PLCH1: variants seen among roughly 807,000 people sequenced by gnomAD.
PLCH1 encodes the protein 1-phosphatidylinositol 4,5-bisphosphate phosphodiesterase eta-1.
A neutral mutation model predicts 126.7 loss-of-function variants in PLCH1; 60 were observed. That is an observed-to-expected ratio of 0.47 (90% CI 0.38 to 0.59). The LOEUF is 0.59. Among genes scored for constraint, PLCH1 ranks in the 20% least tolerant of loss-of-function variants. The pLI is 0.00. For missense variants in PLCH1, 1,723 were observed against 2,040.0 expected (o/e 0.84, Z 2.99); for synonymous variants, 719 against 734.9 (o/e 0.98, Z 0.35).
At chr3:155,457,799 T>C (rs894011542) in intron 21 of PLCH1, 3 of 152,214 alleles carry the variant, frequency 2.0e-5, no homozygotes, top group Non-Finnish European at 4.4e-5. Flanking sequence ...GGATGCATTT[T>C]ATGTGCCAAG....
At chr3:155,678,135 G>A (rs931088638) in intron 2 of PLCH1, among the ~76,000 whole-genome samples, 1 of 152,182 alleles carries the variant, frequency 6.6e-6, no homozygotes, top group African/African-American at 2.4e-5. Flanking sequence ...CAAGAAAGAG[G>A]AAGGGGACAA....
At chr3:155,516,435 A>C (rs1016869320) in intron 11 of PLCH1, among the ~76,000 whole-genome samples, 5 of 151,684 alleles carry the variant, frequency 3.3e-5, no homozygotes, top group Non-Finnish European at 7.4e-5. Context: ...TGAATTAAGA[A>C]TGTTCTGTAA....
intron 10 of PLCH1, among the ~76,000 whole-genome samples, chr3:155,542,151 C>T (rs1327646578): frequency 6.6e-6 from 1 of 152,168 alleles, no homozygotes; most frequent in Non-Finnish European, 1.5e-5. Flanking sequence ...GGGTGACAGA[C>T]GGCACCTGGA....
intron 1 of PLCH1, among the ~76,000 whole-genome samples, chr3:155,723,160 T>C (rs912918424): frequency 6.6e-6 from 1 of 152,194 alleles, no homozygotes; most frequent in African/African-American, 2.4e-5. Context: ...GTGGTATCAG[T>C]TGTAATATCT....
chr3:155,636,190 G>T (rs185672950), intron 2 of PLCH1, among the ~76,000 whole-genome samples: 83 of 152,212 alleles, frequency 5.5e-4, no homozygotes, highest in African/African-American at 1.9e-3. Context: ...CAGGAAACTG[G>T]AATAACCAAT....
intron 2 of PLCH1, among the ~76,000 whole-genome samples, chr3:155,700,679 G>A (rs1199653695): frequency 6.6e-6 from 1 of 152,192 alleles, no homozygotes; most frequent in African/African-American, 2.4e-5. Flanking sequence ...AAAGGCTTAT[G>A]TGCATAAGAA....
intron 2 of PLCH1, among the ~76,000 whole-genome samples, chr3:155,626,485 A>T (rs1246909543): frequency 6.6e-6 from 1 of 152,138 alleles, no homozygotes; most frequent in East Asian, 1.9e-4. Flanking sequence ...AAAGATGGTA[A>T]GTGGCTGGGC....
At chr3:155,671,376 A>G (rs1743430670) in intron 2 of PLCH1, among the ~76,000 whole-genome samples, 1 of 152,206 alleles carries the variant, frequency 6.6e-6, no homozygotes, top group Non-Finnish European at 1.5e-5. Context: ...CTCTGATGCT[A>G]TGTTCTGAAG....
intron 1 of PLCH1, among the ~76,000 whole-genome samples, chr3:155,719,047 G>A (rs900372289): frequency 6.6e-6 from 1 of 152,156 alleles, no homozygotes; most frequent in East Asian, 1.9e-4. Flanking sequence ...TGGAAAACAA[G>A]TGTTGTTTGG....
At chr3:155,497,500 A>C in intron 14 of PLCH1, 83 bp from the exon 15 acceptor site, 1 of 972,042 alleles carries the variant, frequency 1.0e-6, no homozygotes, top group Non-Finnish European at 1.6e-6. Flanking sequence ...TCCTTATTTA[A>C]GACAATGATT....
In PLCH1 at chr3:155,677,093, A is replaced by G. The variant is rs189799752; in HGVS notation, c.79+27053T>C. ...TGTAACTAAGCCTCTCATCCTGAGT[A>G]TTAACTCTCTCATTCCAGCATTCCC... On this transcript the variant is annotated intron_variant, in intron 2 of 22. Coordinates refer to ENST00000460012, the MANE Select transcript of PLCH1 (RefSeq NM_014996.4). Among the ~76,000 whole-genome samples, 224 of 152,344 alleles carry G rather than the reference A, an allele frequency of 1.5e-3. 1 individual carries two copies. Among genetic ancestry groups the G allele is most frequent in the African/African-American group, 5.2e-3 (216 of 41,578 alleles).
At chr3:155,461,270 A>G (rs1039572193) in intron 21 of PLCH1, among the ~76,000 whole-genome samples, 1 of 152,178 alleles carries the variant, frequency 6.6e-6, no homozygotes, top group African/African-American at 2.4e-5. Flanking sequence ...GACCATAAGT[A>G]CCTAATGATT....
intron 1 of PLCH1, among the ~76,000 whole-genome samples, chr3:155,705,758 A>C (rs1263093775): frequency 1.3e-5 from 2 of 152,324 alleles, no homozygotes; most frequent in Middle Eastern, 3.4e-3. Flanking sequence ...ACAAGGTGTT[A>C]GAGATTAACT....
At chr3:155,678,579 A>G (rs1270177787) in intron 2 of PLCH1, among the ~76,000 whole-genome samples, 1 of 152,204 alleles carries the variant, frequency 6.6e-6, no homozygotes, top group Non-Finnish European at 1.5e-5. Context: ...TGGCAGAGAC[A>G]CTGAATGAAT....
rs372356139 is a variant in PLCH1, at chr3:155,481,542, A to T, written c.4484T>A (p.Ile1495Asn). Reference sequence around the variant, plus strand: ...GTACTTGCTCTCAAAATTGCAGGCAATGTCCTCTGATGTTAAGTCCCCCAG... The same window carrying T: ...GTACTTGCTCTCAAAATTGCAGGCATTGTCCTCTGATGTTAAGTCCCCCAG... Reference protein sequence around the residue: ...KSLGDLTSEDIACNFESKYQC... With the variant: ...KSLGDLTSEDNACNFESKYQC... Residue 1495 changes from isoleucine to asparagine, a missense_variant, in exon 23 of 23, where the codon ATT (isoleucine) becomes AAT (asparagine). Physicochemically the swap from Ile to Asn is moderately radical, Grantham distance 149. Coordinates refer to ENST00000460012, the MANE Select transcript of PLCH1 (RefSeq NM_014996.4). The surrounding 1 kb of genome is among the most constrained non-coding windows in gnomAD (Gnocchi z 4.2). The T allele has an allele frequency of 1.2e-6, 2 of 1,614,186 alleles. No homozygotes were observed. Among genetic ancestry groups the T allele is most frequent in the East Asian group, 4.5e-5 (2 of 44,884 alleles).
intron 3 of PLCH1, among the ~76,000 whole-genome samples, chr3:155,594,654 T>C (rs917099682): frequency 2.0e-5 from 3 of 152,224 alleles, no homozygotes; most frequent in Admixed American, 1.3e-4. Context: ...ACCCAGGCCC[T>C]GTTTTTTCCC....
chr3:155,642,222 G>A (rs1404137230), intron 2 of PLCH1, among the ~76,000 whole-genome samples: 2 of 152,134 alleles, frequency 1.3e-5, no homozygotes, highest in Admixed American at 6.5e-5. Flanking sequence ...GCCTGTAAGT[G>A]GTGGAGTAAG....
intron 2 of PLCH1, among the ~76,000 whole-genome samples, chr3:155,651,938 C>T (rs1231672840): frequency 1.3e-5 from 2 of 152,210 alleles, no homozygotes; most frequent in African/African-American, 4.8e-5. Context: ...ACTTCCTAGG[C>T]TTTCTTCCAT....
At chr3:155,595,305 T>A (rs1199335646) in intron 3 of PLCH1, among the ~76,000 whole-genome samples, 1 of 152,234 alleles carries the variant, frequency 6.6e-6, no homozygotes, top group Admixed American at 6.5e-5. Flanking sequence ...TTATTTTTGG[T>A]CTGTGTGCTT....
Sources: gnomAD v4.1 joint callset for allele counts (sites outside exome capture counted in the v4.1 genomes callset) on GRCh38, gnomAD v4.1.1 for gene constraint, Gnocchi (gnomAD v3.1) non-coding constraint, MANE v1.5 for transcripts, NCBI Gene and HGNC (gene_info 2026-07-23, HGNC 2026-07-21) for gene names.